The following OPLAH variants were observed in gnomAD, a reference collection of about 807,000 sequenced individuals.
OPLAH encodes the protein 5-oxoprolinase, ATP-hydrolysing.
In OPLAH, 103 loss-of-function variants were observed where a neutral mutation model predicts 122.8. The observed-to-expected ratio is 0.84, with a 90% CI of 0.71 to 0.99. OPLAH has a LOEUF of 0.99. Among genes scored for constraint, OPLAH ranks in the 50% least tolerant of loss-of-function variants. The probability of loss-of-function intolerance (pLI) is 0.00; values close to 1 mark genes in which losing one functional copy is unlikely to be tolerated. For synonymous variants in OPLAH, 875 were observed against 796.0 expected (o/e 1.10, Z -1.67); for missense variants, 1,902 against 1,836.5 (o/e 1.04, Z -0.65).
intron 12 of OPLAH, 34 bp from the exon 13 acceptor site, chr8:144,056,789 C>T (rs372956158): frequency 1.3e-6 from 2 of 1,579,972 alleles, no homozygotes; most frequent in African/African-American, 1.3e-5. Context: ...TCACACCAAA[C>T]CCCCTGCCCT....
At chr8:144,059,252 C>A (rs1021978790) in intron 3 of OPLAH, among the ~76,000 whole-genome samples, 173 bp from the exon 4 acceptor site, 1 of 152,182 alleles carries the variant, frequency 6.6e-6, no homozygotes, top group South Asian at 2.1e-4. Flanking sequence ...CTCTCCACCC[C>A]CTAGGCAGCT....
In OPLAH at chr8:144,052,248, G is replaced by T; in HGVS notation, c.3382C>A (p.Pro1128Thr). The change falls in exon 24 of 27, where the codon CCC becomes ACC. Residue 1128 changes from proline (P) to threonine (T), a missense_variant. By Grantham distance (38) the Pro-to-Thr change is conservative. This residue lies in a region of OPLAH where 1,726 missense variants were observed against 1,642.1 expected (regional missense o/e 1.05). Transcript: ENST00000618853. ...ACACCGCTGCGCCCGTGCCAGCTGG[G>T]ACCCGCGCCCGCGCCGCCCGCCACC... Reference protein sequence around the residue: ...ETVAGGAGAGPSWHGRSGVHS... With the variant: ...ETVAGGAGAGTSWHGRSGVHS... 1 of 1,548,812 alleles carries T rather than the reference G, an allele frequency of 6.5e-7. No homozygotes were observed. Among genetic ancestry groups the T allele is most frequent in the Non-Finnish European group, 8.7e-7 (1 of 1,152,560 alleles).
Position 144,058,075 on chromosome 8 carries a change from G to C in OPLAH, c.1023C>G (p.Thr341=). ...TGATGTCCAGCTGCGGGGCCTGGAG[G>C]GTGACGCCAGCTGTGCTGGCCTCGA... ...HVFEASTAGV[T]LQAPQLDINT... The change falls in exon 8 of 27, where the codon ACC becomes ACG. Residue 341 remains threonine, a synonymous_variant. Transcript: ENST00000618853. 6.2e-7 allele frequency: 1 copy of C among 1,612,482 alleles called. No individual in the cohort carries two copies. Among genetic ancestry groups the C allele is most frequent in the Non-Finnish European group, 8.5e-7 (1 of 1,179,792 alleles).
At position 144,055,297 on chromosome 8, in the gene OPLAH, A is replaced by C; in HGVS notation, c.2249-108T>G. 2 of 1,209,352 alleles carry C rather than the reference A, an allele frequency of 1.7e-6. No homozygotes were observed. Among genetic ancestry groups the C allele is most frequent in the Non-Finnish European group, 2.2e-6 (2 of 920,596 alleles). 74.9% of individuals were successfully genotyped at this position (1,209,352 alleles called of 1,614,324 possible). A position where few individuals can be genotyped will look rare whatever the true frequency, so the allele number is the denominator to read the frequency against. ...GACTCAAACCCAGGACCCAGGAAAA[A>C]CCCAGCAGCTTTTTCCTGGGGAAGA... On this transcript the variant is annotated intron_variant, in intron 16 of 26. Coordinates refer to ENST00000618853, the MANE Select transcript of OPLAH (RefSeq NM_017570.5). This position sits in a 1 kb window ranked among gnomAD's most constrained non-coding sequence, Gnocchi z 6.5.
Position 144,059,085 on chromosome 8 carries a change from G to A in OPLAH, c.364-6C>T. 1.9e-6 allele frequency: 3 copies of A among 1,568,920 alleles called. No homozygotes were observed. The highest frequency in any genetic ancestry group is 2.6e-6 in the Non-Finnish European group (3 of 1,159,066). ...ACCTCAGGCATGGGCACGGCCTGGG[G>A]GCGGGCAGAGACTCAGAAGAGGCCC... On this transcript the variant is annotated splice_polypyrimidine_tract_variant and splice_region_variant and intron_variant, in intron 3 of 26. Coordinates refer to ENST00000618853, the MANE Select transcript of OPLAH (RefSeq NM_017570.5).
At position 144,058,789 on chromosome 8, in the gene OPLAH, G is replaced by A; in HGVS notation, c.571C>T (p.Leu191Phe). ...CTCACTCACGTGTACGAGTGCATGAGCACCACAGCCAGGCTGCGGATGCCT... is the reference window on the plus strand; with the variant it reads ...CTCACTCACGTGTACGAGTGCATGAACACCACAGCCAGGCTGCGGATGCCT... ...SRGIRSLAVV[L>F]MHSYTWAQHE... is the part of the protein sequence containing the mutation. The change falls in exon 5 of 27, where the codon CTC (leucine) becomes TTC (phenylalanine). Residue 191 changes from leucine (L) to phenylalanine (F), a missense_variant. By Grantham distance (22) the Leu-to-Phe change is conservative (BLOSUM62 0). Around this residue, in one of 3 missense-constraint regions of OPLAH, gnomAD observed 1,726 missense variants for 1,642.1 expected, o/e 1.05. Coordinates refer to ENST00000618853, the MANE Select transcript of OPLAH (RefSeq NM_017570.5). 1.2e-6 allele frequency: 2 copies of A among 1,603,326 alleles called. No individual in the cohort carries two copies. Among genetic ancestry groups the A allele is most frequent in the Non-Finnish European group, 1.7e-6 (2 of 1,174,340 alleles).
chr8:144,055,245 A>T lies in OPLAH; in HGVS notation c.2249-56T>A. 1.4e-6 allele frequency: 2 copies of T among 1,463,736 alleles called. No homozygotes were observed. Among genetic ancestry groups the T allele is most frequent in the Non-Finnish European group, 1.8e-6 (2 of 1,107,222 alleles). The allele number at this position is 1,463,736 out of a possible 1,614,324, so 90.7% of individuals were successfully genotyped here. A position where few individuals can be genotyped will look rare whatever the true frequency, so the allele number is the denominator to read the frequency against. On this transcript the variant is annotated intron_variant, in intron 16 of 26. Coordinates refer to ENST00000618853, the MANE Select transcript of OPLAH (RefSeq NM_017570.5). The surrounding 1 kb of genome is among the most constrained non-coding windows in gnomAD (Gnocchi z 6.5). ...CCCCACCCACCCACAGCCTGGCCCC[A>T]GGAAAGGGAGGAACAGGACCCACCA...
At chr8:144,051,647 G>A in intron 26 of OPLAH, 82 bp downstream of exon 26, 1 of 1,292,122 alleles carries the variant, frequency 7.7e-7, no homozygotes, top group East Asian at 2.5e-5. Flanking sequence ...CCTCTGGTCA[G>A]GTCTGCAACT....
Position 144,057,494 on chromosome 8 carries a change from CG to C in OPLAH, c.1375del (p.Arg459AlafsTer93). On this transcript the variant is annotated frameshift_variant, in exon 10 of 27. Transcript: ENST00000618853. LOFTEE classifies it high-confidence loss of function. ...CCGGCACATGGCCTCGTTGGCCACG[CG>C]CACGAACCCCATGGCCACCTCCTCC... The part of the protein sequence containing the change: ...SLEEVAMGFV[R>X]VANEAMCRPI... 6.3e-7 allele frequency: 1 copy of C among 1,597,040 alleles called. No homozygotes were observed. The highest frequency in any genetic ancestry group is 8.5e-7 in the Non-Finnish European group (1 of 1,172,580).
At position 144,058,851 on chromosome 8, in the gene OPLAH, C is replaced by T; in HGVS notation, c.509G>A (p.Gly170Glu). The T allele has an allele frequency of 6.4e-7, 1 of 1,573,848 alleles. No individual in the cohort carries two copies. The highest frequency in any genetic ancestry group is 8.6e-7 in the Non-Finnish European group (1 of 1,160,864). ...CCCCTCCAGCTTCCCACGCAGGGCCCCCAGGTCCACAGGCTGCTGCACTTC... is the reference window on the plus strand; with the variant it reads ...CCCCTCCAGCTTCCCACGCAGGGCCTCCAGGTCCACAGGCTGCTGCACTTC... ...LLEVQQPVDL[G>E]ALRGKLEGLL... The change falls in exon 5 of 27, where the codon GGG becomes GAG. Residue 170 changes from glycine (G) to glutamate (E), a missense_variant. Gly to Glu is a moderately conservative substitution (Grantham distance 98, BLOSUM62 -2). Around this residue, in one of 3 missense-constraint regions of OPLAH, gnomAD observed 1,726 missense variants for 1,642.1 expected, o/e 1.05. Coordinates refer to ENST00000618853, the MANE Select transcript of OPLAH (RefSeq NM_017570.5).
rs781799707 is a variant in OPLAH at position 144,051,780 on chromosome 8, GT to G, written c.3668del (p.Asn1223ThrfsTer5). The G allele has an allele frequency of 3.1e-6, 5 of 1,605,718 alleles. No individual in the cohort carries two copies. Among genetic ancestry groups the G allele is most frequent in the Non-Finnish European group, 8.5e-7 (1 of 1,178,180 alleles). ...ARGLNLLIRK[N>X]GRTVNLGGKT... ...TGCCGCCCAGATTCACCGTCCGGCCGTTTTTGCGGATCAGCAGGTTTAGGCC... is the reference window on the plus strand; with the variant it reads ...TGCCGCCCAGATTCACCGTCCGGCCGTTTTGCGGATCAGCAGGTTTAGGCC... On this transcript the variant is annotated frameshift_variant, in exon 26 of 27. Coordinates refer to ENST00000618853, the MANE Select transcript of OPLAH (RefSeq NM_017570.5). LOFTEE classifies it high-confidence loss of function.
intron 24 of OPLAH, 27 bp downstream of exon 24, chr8:144,052,141 GC>G: frequency 2.6e-6 from 4 of 1,552,436 alleles, no homozygotes; most frequent in South Asian, 1.2e-5. Flanking sequence ...ACCCGGCCGT[GC>G]CCCCAGCCTC....
chr8:144,059,062 C>G lies in OPLAH; in HGVS notation c.381G>C (p.Glu127Asp). 6.3e-7 allele frequency: 1 copy of G among 1,587,450 alleles called. No homozygotes were observed. Among genetic ancestry groups the G allele is most frequent in the African/African-American group, 1.3e-5 (1 of 74,330 alleles). The stretch of plus-strand genomic sequence containing the variant: ...CCTCCAGCACCTCTTCATACAGCAC[C>G]TCAGGCATGGGCACGGCCTGGGGGC... Reference protein sequence around the residue: ...DLFDLAVPMPEVLYEEVLEVD... With the variant: ...DLFDLAVPMPDVLYEEVLEVD... Residue 127 changes from glutamate (E) to aspartate (D), a missense_variant, in exon 4 of 27, where the codon GAG (glutamate) becomes GAC (aspartate). Transcript: ENST00000618853.
chr8:144,052,440 C>T lies in OPLAH; in HGVS notation c.3303+9G>A, dbSNP rs782032938. The T allele has an allele frequency of 6.5e-7, 1 of 1,533,848 alleles. No homozygotes were observed. The highest frequency in any genetic ancestry group is 8.7e-7 in the Non-Finnish European group (1 of 1,145,054). The stretch of plus-strand genomic sequence containing the variant: ...CCGCCCCCGAGCTGCGCCCACCCCG[C>T]CCCCGCACCTGGGAGGCGGCGCAGG... On this transcript the variant is annotated intron_variant, in intron 23 of 26. Coordinates refer to ENST00000618853, the MANE Select transcript of OPLAH (RefSeq NM_017570.5).
upstream of OPLAH, among the ~76,000 whole-genome samples, chr8:144,063,516 C>G (rs1213019365): frequency 6.6e-6 from 1 of 152,224 alleles, no homozygotes; most frequent in Non-Finnish European, 1.5e-5. The surrounding 1 kb of genome is among the most constrained non-coding windows in gnomAD (Gnocchi z 4.2). Context: ...GAAAGCCGCG[C>G]CCCAGCCTGG....
At chr8:144,059,323 T>A (rs1835611194) in intron 3 of OPLAH, among the ~76,000 whole-genome samples, 1 of 152,170 alleles carries the variant, frequency 6.6e-6, no homozygotes, top group South Asian at 2.1e-4. Context: ...CAGCAGTAGG[T>A]GCGGGGTTCC....
rs1476032420 is a variant in OPLAH at position 144,051,384 on chromosome 8, A to G, written c.3809T>C (p.Leu1270Pro). Residue 1270 changes from leucine (L) to proline (P), a missense_variant, in exon 27 of 27, where the codon CTG (leucine) becomes CCG (proline). Physicochemically the swap from Leu to Pro is moderately conservative, Grantham distance 98 (BLOSUM62 -3). This residue lies in a region of OPLAH where 1,726 missense variants were observed against 1,642.1 expected (regional missense o/e 1.05). Transcript: ENST00000618853. ...APPPGSPPQA[L>P]AFPEHGSVYE... is the part of the protein sequence containing the mutation. ...GACGCTGCCGTGCTCGGGAAAGGCC[A>G]GTGCTTGCGGGGGCGACCCCGGCGG... 6.3e-7 allele frequency: 1 copy of G among 1,597,286 alleles called. No homozygotes were observed.
chr8:144,058,378 G>T lies in OPLAH; in HGVS notation c.810C>A (p.Ser270=). The change falls in exon 7 of 27, where the codon TCC becomes TCA. Residue 270 remains serine, a synonymous_variant. Transcript: ENST00000618853. ...LKDVQVLFMR[S]DGGLAPMDTF... is the part of the protein sequence containing the mutation. ...TGTCCATGGGCGCCAGGCCGCCATC[G>T]GAGCGCATGAACAACACCTGCACAT... is the stretch of plus-strand genomic sequence containing the variant. 2 of 1,592,772 alleles carry T rather than the reference G, an allele frequency of 1.3e-6. No individual in the cohort carries two copies. The highest frequency in any genetic ancestry group is 1.1e-5 in the South Asian group (1 of 89,562).
In OPLAH at chr8:144,056,229, G is replaced by C; in HGVS notation, c.2014C>G (p.Gln672Glu). 6.2e-7 allele frequency: 1 copy of C among 1,611,956 alleles called. No homozygotes were observed. Among genetic ancestry groups the C allele is most frequent in the Non-Finnish European group, 8.5e-7 (1 of 1,179,226 alleles). Reference sequence around the variant, plus strand: ...GCCAGCAGGTACACAGGGGTCTCCTGGTAGCCCCCCTCAAAGTAGCACTGG... The same window carrying C: ...GCCAGCAGGTACACAGGGGTCTCCTCGTAGCCCCCCTCAAAGTAGCACTGG... ...MTQCYFEGGYQETPVYLLAEL... is the reference protein window; with the variant it reads ...MTQCYFEGGYEETPVYLLAEL... Residue 672 changes from glutamine to glutamate, a missense_variant, in exon 15 of 27, where the codon CAG becomes GAG. Physicochemically the swap from Gln to Glu is conservative, Grantham distance 29. Around this residue, in one of 3 missense-constraint regions of OPLAH, gnomAD observed 1,726 missense variants for 1,642.1 expected, o/e 1.05. Transcript: ENST00000618853.
Sources: allele counts gnomAD v4.1 joint callset (sites outside exome capture counted in the v4.1 genomes callset), GRCh38; gene constraint gnomAD v4.1.1; regional missense constraint gnomAD v4.1.1; non-coding constraint Gnocchi (gnomAD v3.1); transcripts MANE v1.5; gene names NCBI Gene and HGNC (gene_info 2026-07-23, HGNC 2026-07-21).